Variants in SLC6A11 observed in about 807,000 individuals in gnomAD.
SLC6A11 encodes sodium- and chloride-dependent GABA transporter 3.
A neutral mutation model predicts 74.8 loss-of-function variants in SLC6A11; 25 were observed. The ratio of observed to expected loss-of-function variants is 0.33; its 90% CI spans 0.24 to 0.47. The LOEUF (loss-of-function observed/expected upper bound fraction) is 0.47, where lower values mean the gene tolerates loss of function less well. Among genes scored for constraint, SLC6A11 ranks in the 20% least tolerant of loss-of-function variants. The probability of loss-of-function intolerance (pLI) is 1.00; values close to 1 mark genes in which losing one functional copy is unlikely to be tolerated. For missense variants in SLC6A11, 574 were observed against 837.0 expected (o/e 0.69, Z 3.88); for synonymous variants, 330 against 330.2 (o/e 1.00, Z 0.01).
At chr3:10,845,691 G>A (rs1694494139) in intron 5 of SLC6A11, among the ~76,000 whole-genome samples, 1 of 152,148 alleles carries the variant, frequency 6.6e-6, no homozygotes, top group Non-Finnish European at 1.5e-5. Flanking sequence ...TGGAAGCTGA[G>A]GGTGCACTTA....
In SLC6A11 at chr3:10,816,571, G is replaced by A. The variant is rs1449496205; in HGVS notation, c.256+50G>A. 1 of 1,507,078 alleles carries A rather than the reference G, an allele frequency of 6.6e-7. No homozygotes were observed. The highest frequency in any genetic ancestry group is 1.4e-5 in the African/African-American group (1 of 69,710). 93.4% of individuals were successfully genotyped at this position (1,507,078 alleles called of 1,614,324 possible). A position where few individuals can be genotyped will look rare whatever the true frequency, so the allele number is the denominator to read the frequency against. On this transcript the variant is annotated intron_variant, in intron 1 of 13. Coordinates refer to ENST00000254488, the MANE Select transcript of SLC6A11 (RefSeq NM_014229.3). This position sits in a 1 kb window ranked among gnomAD's most constrained non-coding sequence, Gnocchi z 4.2. ...GAGGGGGCGCCAACCGCCCGGTGGG[G>A]GCGGGGAGCCAGGGGCGAGCGCGAG... is the stretch of plus-strand genomic sequence containing the variant.
chr3:10,892,999 C>T (rs556850520), intron 6 of SLC6A11, among the ~76,000 whole-genome samples: 1 of 152,280 alleles, frequency 6.6e-6, no homozygotes, highest in South Asian at 2.1e-4. Context: ...CCAACTCTAC[C>T]TCTCCTATGA....
chr3:10,937,093 C>T (rs1327436163), intron 13 of SLC6A11, among the ~76,000 whole-genome samples: 3 of 152,198 alleles, frequency 2.0e-5, no homozygotes, highest in East Asian at 1.9e-4. Context: ...GACAGAGGTG[C>T]GTCAGTGATG....
intron 5 of SLC6A11, among the ~76,000 whole-genome samples, chr3:10,848,873 A>G (rs1694538487): frequency 6.6e-6 from 1 of 152,224 alleles, no homozygotes; most frequent in Admixed American, 6.5e-5. Context: ...TTTTACAAAT[A>G]AGGCCCAGAG....
At position 10,918,501 on chromosome 3, in the gene SLC6A11, G is replaced by A. The variant is rs759920631; in HGVS notation, c.1120+48G>A. 2 of 1,569,120 alleles carry A rather than the reference G, an allele frequency of 1.3e-6. No individual in the cohort carries two copies. Among genetic ancestry groups the A allele is most frequent in the Admixed American group, 2.0e-5 (1 of 50,610 alleles). On this transcript the variant is annotated intron_variant, in intron 8 of 13. Coordinates refer to ENST00000254488, the MANE Select transcript of SLC6A11 (RefSeq NM_014229.3). This position sits in a 1 kb window ranked among gnomAD's most constrained non-coding sequence, Gnocchi z 4.5. ...TGGAAAAGGCGGCAAGGGAGGCCAG[G>A]AGTGATGGTCATCATGGAAATGCGA...
intron 8 of SLC6A11, 83 bp from the exon 9 acceptor site, chr3:10,925,921 A>C (rs956094030): frequency 2.6e-6 from 2 of 766,212 alleles, no homozygotes; most frequent in Admixed American, 2.1e-5. Context: ...CAGAGGAGGC[A>C]CTCAGTAAAT....
At chr3:10,867,673 C>T (rs1329574169) in intron 5 of SLC6A11, among the ~76,000 whole-genome samples, 3 of 152,192 alleles carry the variant, frequency 2.0e-5, no homozygotes, top group Admixed American at 6.5e-5. Context: ...TCTTTCCACT[C>T]GTGGTCCACG....
At chr3:10,886,558 A>C (rs1055302455) in intron 6 of SLC6A11, among the ~76,000 whole-genome samples, 1 of 152,180 alleles carries the variant, frequency 6.6e-6, no homozygotes, top group Non-Finnish European at 1.5e-5. Flanking sequence ...CTGTAATTCC[A>C]ACACTTTGGG....
chr3:10,833,524 C>T (rs1397934282), intron 4 of SLC6A11, among the ~76,000 whole-genome samples: 1 of 152,208 alleles, frequency 6.6e-6, no homozygotes, highest in South Asian at 2.1e-4. Flanking sequence ...ACTGAAAGCC[C>T]TTCAGCCGAG....
intron 3 of SLC6A11, among the ~76,000 whole-genome samples, chr3:10,821,619 T>A (rs1447734040): frequency 6.6e-6 from 1 of 152,260 alleles, no homozygotes; most frequent in Non-Finnish European, 1.5e-5. Context: ...ATCCTATGCA[T>A]CCATTTTCTG....
intron 10 of SLC6A11, among the ~76,000 whole-genome samples, chr3:10,931,793 A>G (rs1695691330): frequency 6.6e-6 from 1 of 152,066 alleles, no homozygotes; most frequent in African/African-American, 2.4e-5. Context: ...TCTCATTCGT[A>G]TCATCTGTCT....
chr3:10,821,603 AG>A lies in SLC6A11; in HGVS notation c.533-1698del, dbSNP rs556916920. ...GGAAAGCAATATAATTTTACCAAAT[AG>A]CATTATCCTATGCATCCATTTTCTG... On this transcript the variant is annotated intron_variant, in intron 3 of 13. Coordinates refer to ENST00000254488, the MANE Select transcript of SLC6A11 (RefSeq NM_014229.3). Among the ~76,000 whole-genome samples, 267 of 152,376 alleles carry A rather than the reference AG, an allele frequency of 1.8e-3. 2 individuals carry two copies. Among genetic ancestry groups the A allele is most frequent in the Non-Finnish European group, 3.1e-3 (214 of 68,040 alleles).
intron 6 of SLC6A11, among the ~76,000 whole-genome samples, chr3:10,899,895 C>T (rs1695216999): frequency 6.6e-6 from 1 of 152,192 alleles, no homozygotes; most frequent in Non-Finnish European, 1.5e-5. Context: ...GCTCAGCTGA[C>T]CCAAAACCAT....
At chr3:10,820,775 G>A (rs1488403673) in intron 3 of SLC6A11, among the ~76,000 whole-genome samples, 3 of 152,158 alleles carry the variant, frequency 2.0e-5, no homozygotes, top group Non-Finnish European at 4.4e-5. Flanking sequence ...TCTAGTCTTG[G>A]CCTTAGAACC....
intron 6 of SLC6A11, among the ~76,000 whole-genome samples, chr3:10,905,544 G>A (rs1695291884): frequency 6.6e-6 from 1 of 152,238 alleles, no homozygotes; most frequent in Non-Finnish European, 1.5e-5. Context: ...ACTGAAATTT[G>A]TGGGTTTATT....
intron 10 of SLC6A11, 28 bp from the exon 11 acceptor site, chr3:10,933,123 A>G (rs767886938): frequency 6.5e-7 from 1 of 1,545,206 alleles, no homozygotes; most frequent in Non-Finnish European, 9.0e-7. Flanking sequence ...TTCACCTCCC[A>G]TCCGTGTGTC....
At chr3:10,919,410 C>G (rs1159034917) in intron 8 of SLC6A11, among the ~76,000 whole-genome samples, 4 of 152,184 alleles carry the variant, frequency 2.6e-5, no homozygotes, top group African/African-American at 9.7e-5. Context: ...CATCTGGCCT[C>G]CCTGGCCTCC....
At chr3:10,872,771 C>A (rs1425646018) in intron 5 of SLC6A11, among the ~76,000 whole-genome samples, 1 of 152,180 alleles carries the variant, frequency 6.6e-6, no homozygotes, top group Non-Finnish European at 1.5e-5. Context: ...GTCAAAGAAA[C>A]CCTGGGTTGA....
At chr3:10,912,941 G>C (rs147366253) in intron 7 of SLC6A11, among the ~76,000 whole-genome samples, 67 of 152,252 alleles carry the variant, frequency 4.4e-4, no homozygotes, top group African/African-American at 1.5e-3. Context: ...TAGATGGACA[G>C]CGCATCTCTT....
Sources: allele counts gnomAD v4.1 joint callset (sites outside exome capture counted in the v4.1 genomes callset), GRCh38; gene constraint gnomAD v4.1.1; non-coding constraint Gnocchi (gnomAD v3.1); transcripts MANE v1.5; gene names NCBI Gene and HGNC (gene_info 2026-07-23, HGNC 2026-07-21).